CSRNP1: variants seen among roughly 807,000 people sequenced by gnomAD.
CSRNP1 encodes cysteine/serine-rich nuclear protein 1.
In CSRNP1, 8 loss-of-function variants were observed where a neutral mutation model predicts 25.0. That is an observed-to-expected ratio of 0.32 (90% CI 0.19 to 0.58). The LOEUF is 0.58. Among genes scored for constraint, CSRNP1 ranks in the 20% least tolerant of loss-of-function variants. CSRNP1 has a pLI of 0.88. For synonymous variants in CSRNP1, 305 were observed against 303.1 expected (o/e 1.01, Z -0.06); for missense variants, 691 against 773.1 (o/e 0.89, Z 1.26).
upstream of CSRNP1, chr3:39,153,749 T>G (rs1354291772): frequency 7.9e-6 from 1 of 126,648 alleles, no homozygotes; most frequent in Non-Finnish European, 1.6e-5. Flanking sequence ...CGCAGCGGCC[T>G]GGGGGCCTCC....
chr3:39,147,327 C>T (rs1339277881), intron 1 of CSRNP1, among the ~76,000 whole-genome samples: 2 of 152,138 alleles, frequency 1.3e-5, no homozygotes, highest in African/African-American at 4.8e-5. Flanking sequence ...CCAGCACATC[C>T]AAACAGGCAC....
chr3:39,144,084 A>G (rs778629924), intron 4 of CSRNP1, 40 bp from the exon 5 acceptor site: 1 of 1,604,584 alleles, frequency 6.2e-7, no homozygotes, highest in East Asian at 2.2e-5. Context: ...GGTTCTGTGG[A>G]GTGCAAAGAA....
chr3:39,152,433 A>T (rs1410389325), intron 1 of CSRNP1: 1 of 152,800 alleles, frequency 6.5e-6, no homozygotes. Context: ...GCCAGGAGAG[A>T]TGACAGGTCA....
Position 39,153,431 on chromosome 3 carries a change from C to A in CSRNP1, c.-41+7G>T. The stretch of plus-strand genomic sequence containing the variant: ...TCCTGCCGGGCCCGAGGCCCCTCGG[C>A]GCTCACCTGCAATCCGGACGCTCGC... On this transcript the variant is annotated splice_region_variant and intron_variant, in intron 1 of 4. Transcript: ENST00000273153. The A allele has an allele frequency of 3.1e-6, 1 of 322,156 alleles. No individual in the cohort carries two copies. 20.0% of individuals were successfully genotyped at this position (322,156 alleles called of 1,614,324 possible).
Position 39,143,140 on chromosome 3 carries a change from G to A in CSRNP1, c.1685C>T (p.Pro562Leu), listed in dbSNP as rs2039437835. Residue 562 changes from proline (P) to leucine (L), a missense_variant, in exon 5 of 5, where the codon CCA becomes CTA. Transcript: ENST00000273153. ...AAAGGGATCTAGGGCTTCGGCGGCT[G>A]GCTCGGAGAAGCCCATGAGGGACTC... is the stretch of plus-strand genomic sequence containing the variant. ...FLESLMGFSE[P>L]AAEALDPFID... is the part of the protein sequence containing the mutation. 1.2e-6 allele frequency: 2 copies of A among 1,613,930 alleles called. No individual in the cohort carries two copies. Among genetic ancestry groups the A allele is most frequent in the African/African-American group, 2.7e-5 (2 of 74,930 alleles).
In CSRNP1 at chr3:39,143,060, C is replaced by A. The variant is rs772447030; in HGVS notation, c.1765G>T (p.Val589Leu). The A allele has an allele frequency of 2.5e-6, 4 of 1,569,366 alleles. No homozygotes were observed. The highest frequency in any genetic ancestry group is 2.6e-6 in the Non-Finnish European group (3 of 1,155,344). ...GGGAAAAGACATCCTGGTCCTCACA[C>A]CGGCACAGGCTCCATTAGAGATGCT... ...VPASLMEPVP[V>L] is the part of the protein sequence containing the mutation. The change falls in exon 5 of 5, where the codon GTG (valine) becomes TTG (leucine). Residue 589 changes from valine to leucine, a missense_variant. Val to Leu is a conservative substitution (Grantham distance 32). Transcript: ENST00000273153.
In CSRNP1 at chr3:39,144,304, G is replaced by A. The variant is rs375176179; in HGVS notation, c.613C>T (p.Arg205Trp). The A allele has an allele frequency of 1.2e-5, 19 of 1,614,030 alleles. No homozygotes were observed. Among genetic ancestry groups the A allele is most frequent in the East Asian group, 8.9e-5 (4 of 44,892 alleles). ...GCCCTCAGCAGAGCTCGACGTCGCCGGGCTGGGTAGGGCTGTAGGAAGCTC... is the reference window on the plus strand; with the variant it reads ...GCCCTCAGCAGAGCTCGACGTCGCCAGGCTGGGTAGGGCTGTAGGAAGCTC... ...EVSFLQPYPA[R>W]RRRALLRASG... The change falls in exon 4 of 5, where the codon CGG (arginine) becomes TGG (tryptophan). Residue 205 changes from arginine (R) to tryptophan (W), a missense_variant. Transcript: ENST00000273153.
At chr3:39,146,825 A>T (rs1575577152) in intron 1 of CSRNP1, 103 bp from the exon 2 acceptor site, 1 of 1,440,978 alleles carries the variant, frequency 6.9e-7, no homozygotes, top group African/African-American at 1.4e-5. Flanking sequence ...GGCATCCCAG[A>T]CCCTGGCCTC....
rs145870952 is a variant in CSRNP1 at position 39,145,116 on chromosome 3, G to A, written c.346C>T (p.Arg116Cys). Reference protein sequence around the residue: ...RGGCTLGMALRHSACRRFSLA... With the variant: ...RGGCTLGMALCHSACRRFSLA... Reference sequence around the variant, plus strand: ...GAGAAGCGACGGCAAGCACTGTGGCGAAGGGCCATACCCAGAGTACAGCCA... The same window carrying A: ...GAGAAGCGACGGCAAGCACTGTGGCAAAGGGCCATACCCAGAGTACAGCCA... The change falls in exon 3 of 5, where the codon CGC becomes TGC. Residue 116 changes from arginine (R) to cysteine (C), a missense_variant. By Grantham distance (180) the Arg-to-Cys change is radical. Coordinates refer to ENST00000273153, the MANE Select transcript of CSRNP1 (RefSeq NM_033027.4). 1.5e-5 allele frequency: 25 copies of A among 1,614,270 alleles called. No homozygotes were observed. Among genetic ancestry groups the A allele is most frequent in the African/African-American group, 4.0e-5 (3 of 75,074 alleles).
intron 1 of CSRNP1, chr3:39,151,319 T>A (rs2039577930): frequency 6.5e-6 from 1 of 152,742 alleles, no homozygotes. Flanking sequence ...GCAGCCCTCC[T>A]GCCACCACAC....
chr3:39,143,785 C>T lies in CSRNP1; in HGVS notation c.1040G>A (p.Ser347Asn). The change falls in exon 5 of 5, where the codon AGC (serine) becomes AAC (asparagine). Residue 347 changes from serine to asparagine, a missense_variant. By Grantham distance (46) the Ser-to-Asn change is conservative (BLOSUM62 1). Transcript: ENST00000273153. ...PPMNNELGDN[S>N]CSSDMTDSST... ...AGAATCAGTCATGTCGCTGCTGCAG[C>T]TGTTGTCTCCCAGCTCATTGTTCAT... The T allele has an allele frequency of 6.2e-7, 1 of 1,614,122 alleles. No homozygotes were observed. The highest frequency in any genetic ancestry group is 8.5e-7 in the Non-Finnish European group (1 of 1,179,962).
chr3:39,143,432 A>G lies in CSRNP1; in HGVS notation c.1393T>C (p.Phe465Leu). Residue 465 changes from phenylalanine to leucine, a missense_variant, in exon 5 of 5, where the codon TTC becomes CTC. By Grantham distance (22) the Phe-to-Leu change is conservative. Coordinates refer to ENST00000273153, the MANE Select transcript of CSRNP1 (RefSeq NM_033027.4). ...GACCCTTCAAGGCCACCATTTAGGA[A>G]GCAGCTGGCATCCAGGTTGGCATTC... ...DENANLDASCFLNGGLEGSRE... is the reference protein window; with the variant it reads ...DENANLDASCLLNGGLEGSRE... 1 of 1,614,142 alleles carries G rather than the reference A, an allele frequency of 6.2e-7. No individual in the cohort carries two copies. Among genetic ancestry groups the G allele is most frequent in the Non-Finnish European group, 8.5e-7 (1 of 1,179,976 alleles).
At chr3:39,154,188 A>G (rs987065927), upstream of CSRNP1, 1 of 152,280 alleles carries the variant, frequency 6.6e-6, no homozygotes, top group African/African-American at 2.4e-5. Flanking sequence ...GGATGTAATC[A>G]GTGGGCCTGA....
chr3:39,153,404 C>G, intron 1 of CSRNP1, 34 bp downstream of exon 1: 1 of 264,712 alleles, frequency 3.8e-6, no homozygotes, highest in Non-Finnish European at 8.0e-6. Context: ...CCCAAAGTCC[C>G]GTCCTGCCGG....
chr3:39,152,792 G>C (rs932293443), intron 1 of CSRNP1: 2 of 153,544 alleles, frequency 1.3e-5, no homozygotes, highest in African/African-American at 4.8e-5. Flanking sequence ...GAGAGTCTAC[G>C]TGTGCCTGCG....
In CSRNP1 at chr3:39,153,445, C is replaced by A; in HGVS notation, c.-48G>T. ...AGGCCCCTCGGCGCTCACCTGCAAT[C>A]CGGACGCTCGCGGAGGACAACGACG... is the stretch of plus-strand genomic sequence containing the variant. On this transcript the variant is annotated 5_prime_UTR_variant, in exon 1 of 5. Coordinates refer to ENST00000273153, the MANE Select transcript of CSRNP1 (RefSeq NM_033027.4). 1 of 332,248 alleles carries A rather than the reference C, an allele frequency of 3.0e-6. No homozygotes were observed. Among genetic ancestry groups the A allele is most frequent in the Non-Finnish European group, 6.3e-6 (1 of 159,532 alleles). 20.6% of individuals were successfully genotyped at this position (332,248 alleles called of 1,614,324 possible).
intron 2 of CSRNP1, 48 bp from the exon 3 acceptor site, chr3:39,145,304 C>T (rs199827484): frequency 7.9e-6 from 12 of 1,516,228 alleles, no homozygotes; most frequent in Admixed American, 4.4e-5. Context: ...CAGTGAGGCA[C>T]AACTTACCTC....
intron 1 of CSRNP1, chr3:39,153,025 G>A (rs989576171): frequency 3.3e-5 from 5 of 152,200 alleles, no homozygotes; most frequent in South Asian, 2.1e-4. Context: ...GGAGCCCGAG[G>A]AGGAAGGCGA....
rs901022714 is a variant in CSRNP1 at position 39,146,868 on chromosome 3, G to A, written c.-40-146C>T. ...CAGCCCTGCCTGTGGAGCTCTGTGT[G>A]GGGGAGGGCACAGTCTCCAGGAGGA... is the stretch of plus-strand genomic sequence containing the variant. On this transcript the variant is annotated intron_variant, in intron 1 of 4. Coordinates refer to ENST00000273153, the MANE Select transcript of CSRNP1 (RefSeq NM_033027.4). The A allele has an allele frequency of 1.3e-5, 15 of 1,113,096 alleles. No individual in the cohort carries two copies. The African/African-American group carries it at 1.7e-4, about 13-fold the overall frequency. The allele number at this position is 1,113,096 out of a possible 1,614,324, so 69.0% of individuals were successfully genotyped here.
Sources: allele counts gnomAD v4.1 joint callset (sites outside exome capture counted in the v4.1 genomes callset), GRCh38; gene constraint gnomAD v4.1.1; transcripts MANE v1.5; gene names NCBI Gene and HGNC (gene_info 2026-07-23, HGNC 2026-07-21).